USP50: variants seen among roughly 807,000 people sequenced by gnomAD.
USP50 encodes ubiquitin carboxyl-terminal hydrolase 50.
Under a neutral mutation model 39.2 loss-of-function variants are expected in USP50, and 37 were observed. The observed-to-expected ratio is 0.94, with a 90% CI of 0.73 to 1.24. USP50 has a LOEUF of 1.24. USP50 is among the 50% of genes most tolerant of loss of function. The pLI is 0.00. For missense variants in USP50, 374 were observed against 398.2 expected (o/e 0.94, Z 0.52); for synonymous variants, 139 against 144.5 (o/e 0.96, Z 0.27).
intron 3 of USP50, among the ~76,000 whole-genome samples, chr15:50,541,737 A>C (rs2053031531): frequency 6.6e-6 from 1 of 152,172 alleles, no homozygotes; most frequent in Non-Finnish European, 1.5e-5. Flanking sequence ...CCATGGCCCC[A>C]TAAGCTACCA....
chr15:50,526,307 G>A (rs953752550), intron 6 of USP50, among the ~76,000 whole-genome samples: 7 of 152,112 alleles, frequency 4.6e-5, no homozygotes, highest in Admixed American at 1.3e-4. Context: ...CAATCCTCCT[G>A]TCTCAGCCTC....
chr15:50,529,860 G>A lies in USP50; in HGVS notation c.873C>T (p.Asp291=), dbSNP rs746026577. 1.2e-6 allele frequency: 2 copies of A among 1,613,952 alleles called. No individual in the cohort carries two copies. The highest frequency in any genetic ancestry group is 2.2e-5 in the South Asian group (2 of 91,084). ...AAATTGAGCAAATATAAGGAGTGAG[G>A]TCCAAGTTAGTGAGTGGGTAATGAA... ...TDIHYPLTNL[D]LTPYICSIFR... The change falls in exon 6 of 7, where the codon GAC becomes GAT. Residue 291 remains aspartate, a synonymous_variant. Transcript: ENST00000532404.
At chr15:50,522,945 G>A (rs936920381) in intron 6 of USP50, among the ~76,000 whole-genome samples, 1 of 152,036 alleles carries the variant, frequency 6.6e-6, no homozygotes, top group Non-Finnish European at 1.5e-5. Flanking sequence ...ACCACATCCA[G>A]CCACTCACCA....
chr15:50,496,967 C>CTCTT (rs1425374510), downstream of USP50: 8 of 1,281,392 alleles, frequency 6.2e-6, no homozygotes, highest in Non-Finnish European at 1.1e-6. Flanking sequence ...AAGGCAGGAA[C>CTCTT]TCTTTTGTGT....
At chr15:50,506,001 T>C (rs2052652966) in intron 6 of USP50, 1 of 152,222 alleles carries the variant, frequency 6.6e-6, no homozygotes. Flanking sequence ...GTGATCAGAA[T>C]TACAGTGTTC....
At chr15:50,518,039 C>T (rs2052817079) in intron 6 of USP50, among the ~76,000 whole-genome samples, 1 of 152,102 alleles carries the variant, frequency 6.6e-6, no homozygotes, top group Non-Finnish European at 1.5e-5. Context: ...TAGCAATAAA[C>T]ACCTATATCA....
chr15:50,532,227 T>C (rs2052946665), intron 5 of USP50: 1 of 456,120 alleles, frequency 2.2e-6, no homozygotes. Flanking sequence ...TCCTCATGCT[T>C]CTGGCAAGAA....
At chr15:50,517,278 C>G (rs1313682068) in intron 6 of USP50, among the ~76,000 whole-genome samples, 2 of 151,632 alleles carry the variant, frequency 1.3e-5, no homozygotes, top group Admixed American at 1.3e-4. Context: ...CAAGACCAGC[C>G]TGGCCAATGT....
In USP50 at chr15:50,535,135, T is replaced by TCACACA. The variant is rs113407791; in HGVS notation, c.803+3568_803+3573dup. Among the ~76,000 whole-genome samples, 323 of 144,604 alleles carry TCACACA rather than the reference T, an allele frequency of 2.2e-3. 1 individual carries two copies. The highest frequency in any genetic ancestry group is 7.7e-3 in the African/African-American group (302 of 39,278). 94.9% of individuals were successfully genotyped at this position (144,604 alleles called of 152,430 possible). ...GCCTGGGCAACAGAGTGAAACTCTGTCACACACACACACACACACACACAC... is the reference window on the plus strand; with the variant it reads ...GCCTGGGCAACAGAGTGAAACTCTGTCACACACACACACACACACACACACACACAC... On this transcript the variant is annotated intron_variant, in intron 5 of 6. Transcript: ENST00000532404.
intron 2 of USP50, among the ~76,000 whole-genome samples, chr15:50,544,146 G>A (rs2141382297): frequency 6.6e-6 from 1 of 152,062 alleles, no homozygotes; most frequent in African/African-American, 2.4e-5. Context: ...CTCAAGACCA[G>A]CCTGGCCAAC....
intron 5 of USP50, among the ~76,000 whole-genome samples, chr15:50,531,698 T>C (rs759382672): frequency 5.9e-5 from 9 of 152,172 alleles, no homozygotes; most frequent in Admixed American, 5.9e-4. Flanking sequence ...AATAAACTAA[T>C]GGGGCCCCAG....
At chr15:50,543,453 T>G in intron 3 of USP50, 145 bp downstream of exon 3, 1 of 720,940 alleles carries the variant, frequency 1.4e-6, no homozygotes, top group Non-Finnish European at 2.3e-6. Context: ...ATTCAAATAC[T>G]AACTTGGATG....
intron 3 of USP50, among the ~76,000 whole-genome samples, chr15:50,543,142 T>C (rs1249081603): frequency 1.3e-5 from 2 of 152,216 alleles, no homozygotes; most frequent in Non-Finnish European, 1.5e-5. Context: ...CTTAATCTAA[T>C]ATCAAGCTTA....
At position 50,538,948 on chromosome 15, in the gene USP50, GT is replaced by G. The variant is rs2053006348; in HGVS notation, c.661-98del. On this transcript the variant is annotated intron_variant, in intron 4 of 6. Coordinates refer to ENST00000532404, the MANE Select transcript of USP50 (RefSeq NM_203494.5). ...ACTTTGCAAATGCCGTGGAAATGTA[GT>G]TCTCAGTGCTTTTCTCAAAGTCAAC... The G allele has an allele frequency of 6.0e-6, 8 of 1,323,696 alleles. No homozygotes were observed. The South Asian group carries it at 1.1e-4, about 19-fold the overall frequency. The allele number at this position is 1,323,696 out of a possible 1,614,324, so 82.0% of individuals were successfully genotyped here.
rs961451696 is a variant in USP50 at position 50,546,531 on chromosome 15, T to G, written c.-6A>C. 1.2e-6 allele frequency: 2 copies of G among 1,613,466 alleles called. No individual in the cohort carries two copies. The highest frequency in any genetic ancestry group is 1.7e-6 in the Non-Finnish European group (2 of 1,179,552). On this transcript the variant is annotated 5_prime_UTR_variant, in exon 1 of 7. Transcript: ENST00000532404. ...AGAGACGGCTGAGAAGTCATTTTAA[T>G]GGAACCACGTTGGACTTTTGCTTCT... is the stretch of plus-strand genomic sequence containing the variant.
downstream of USP50, chr15:50,498,667 T>G (rs1273563290): frequency 1.2e-6 from 2 of 1,613,236 alleles, no homozygotes; most frequent in East Asian, 4.5e-5. Context: ...AATCTTGACT[T>G]GTCACAGTAT....
chr15:50,544,444 C>T, intron 2 of USP50, 143 bp downstream of exon 2: 1 of 651,558 alleles, frequency 1.5e-6, no homozygotes, highest in Non-Finnish European at 2.5e-6. Context: ...CTTTTACTTA[C>T]TCTAGCGTGT....
chr15:50,495,479 A>G (rs2052355271), intron 1 of USP50, among the ~76,000 whole-genome samples: 1 of 123,774 alleles, frequency 8.1e-6, no homozygotes, highest in Non-Finnish European at 1.7e-5. Context: ...TTTTTAGTAG[A>G]GATTGGAGGG....
chr15:50,496,053 C>A, downstream of USP50: 1 of 1,612,976 alleles, frequency 6.2e-7, no homozygotes. Context: ...TTGTCTCTAC[C>A]ACTAGCATCC....
Sources: allele counts gnomAD v4.1 joint callset (sites outside exome capture counted in the v4.1 genomes callset), GRCh38; gene constraint gnomAD v4.1.1; transcripts MANE v1.5; gene names NCBI Gene and HGNC (gene_info 2026-07-23, HGNC 2026-07-21).